LPIN1: variants seen among roughly 807,000 people sequenced by gnomAD.
LPIN1 encodes the protein phosphatidate phosphatase LPIN1.
In LPIN1, 71 loss-of-function variants were observed where a neutral mutation model predicts 107.5. That is an observed-to-expected ratio of 0.66 (90% CI 0.55 to 0.80). The LOEUF is 0.80. Ranked by LOEUF, LPIN1 falls within the 30% of genes least tolerant of loss-of-function variation. The pLI, the probability that LPIN1 is intolerant of heterozygous loss-of-function variation, is 0.00. For synonymous variants in LPIN1, 445 were observed against 452.6 expected (o/e 0.98, Z 0.21); for missense variants, 1,043 against 1,160.6 (o/e 0.90, Z 1.47).
At chr2:11,699,367 G>T (rs905324776) in intron 1 of LPIN1, among the ~76,000 whole-genome samples, 5 of 152,218 alleles carry the variant, frequency 3.3e-5, no homozygotes, top group African/African-American at 1.2e-4. Context: ...GTCATAAGTT[G>T]ATGTCAGGGT....
At chr2:11,733,004 A>G (rs1665405773) in intron 1 of LPIN1, among the ~76,000 whole-genome samples, 1 of 151,814 alleles carries the variant, frequency 6.6e-6, no homozygotes, top group South Asian at 2.1e-4. Flanking sequence ...TTGGAAGGAA[A>G]GTCATGGGGG....
At chr2:11,801,168 A>C (rs1278002686) in intron 14 of LPIN1, among the ~76,000 whole-genome samples, 1 of 152,254 alleles carries the variant, frequency 6.6e-6, no homozygotes, top group Non-Finnish European at 1.5e-5. Flanking sequence ...AATGTGAATT[A>C]GTACAGCTAT....
In LPIN1 at chr2:11,779,458, C is replaced by T. The variant is rs1673205351; in HGVS notation, c.831-61C>T. ...GGGCTATTTGAGCCATGGAGCTGGG[C>T]CCAAAACATTTACAAAAGTTTCTTT... On this transcript the variant is annotated intron_variant, in intron 6 of 20. Coordinates refer to ENST00000674199, the MANE Select transcript of LPIN1 (RefSeq NM_001349206.2). 3 of 1,582,394 alleles carry T rather than the reference C, an allele frequency of 1.9e-6. No individual in the cohort carries two copies. In the Admixed American group the frequency reaches 5.0e-5, roughly 26 times the overall value.
chr2:11,727,761 GA>G (rs1664802827), intron 1 of LPIN1, among the ~76,000 whole-genome samples: 1 of 152,180 alleles, frequency 6.6e-6, no homozygotes, highest in Non-Finnish European at 1.5e-5. Flanking sequence ...CCAACAGTGA[GA>G]AACTCTGCTT....
At chr2:11,762,942 G>C (rs540093574) in intron 1 of LPIN1, 1 of 152,398 alleles carries the variant, frequency 6.6e-6, no homozygotes, top group South Asian at 2.1e-4. Flanking sequence ...TGAAGAATGG[G>C]AGCAGTGTGG....
At chr2:11,678,965 G>C (rs1447383418) in intron 1 of LPIN1, among the ~76,000 whole-genome samples, 2 of 152,228 alleles carry the variant, frequency 1.3e-5, no homozygotes, top group Non-Finnish European at 2.9e-5. Context: ...GTTAGTCAGG[G>C]ATTATAATGG....
At position 11,677,797 on chromosome 2, in the gene LPIN1, C is replaced by T. The variant is rs536675474; in HGVS notation, c.81+69C>T. ...CTTCCTCCTTCCATCCCCAGGTGCC[C>T]GCGTACTGATGGGACCCGGGGAACA... On this transcript the variant is annotated intron_variant, in intron 1 of 21. Transcript: ENST00000449576. 1,655 of 1,334,282 alleles carry T rather than the reference C, an allele frequency of 1.2e-3. 11 individuals carry two copies. Among genetic ancestry groups the T allele is most frequent in the Non-Finnish European group, 1.4e-3 (1,388 of 964,168 alleles). The allele number at this position is 1,334,282 out of a possible 1,614,324, so 82.7% of individuals were successfully genotyped here. A position where few individuals can be genotyped will look rare whatever the true frequency, so the allele number is the denominator to read the frequency against.
intron 1 of LPIN1, among the ~76,000 whole-genome samples, chr2:11,760,129 G>A (rs1206597894): frequency 3.4e-5 from 4 of 119,174 alleles, no homozygotes; most frequent in Non-Finnish European, 5.5e-5. Context: ...ATGGGCGGCC[G>A]GGCAGAGATG....
chr2:11,751,903 G>A (rs1667854693), intron 1 of LPIN1, among the ~76,000 whole-genome samples: 1 of 152,004 alleles, frequency 6.6e-6, no homozygotes, highest in African/African-American at 2.4e-5. Context: ...CATATTATAA[G>A]TATTTTTGTA....
At chr2:11,704,639 T>G (rs1480019034) in intron 1 of LPIN1, among the ~76,000 whole-genome samples, 1 of 152,204 alleles carries the variant, frequency 6.6e-6, no homozygotes, top group East Asian at 1.9e-4. Flanking sequence ...CACAGAATGT[T>G]CTAGCAGGAA....
chr2:11,726,474 C>A (rs75024134), intron 1 of LPIN1, among the ~76,000 whole-genome samples: 5 of 152,036 alleles, frequency 3.3e-5, no homozygotes, highest in African/African-American at 7.3e-5. Flanking sequence ...CGCTCTCCCC[C>A]GCCCCCCATC....
At chr2:11,703,214 T>G (rs996378986) in intron 1 of LPIN1, among the ~76,000 whole-genome samples, 8 of 152,198 alleles carry the variant, frequency 5.3e-5, no homozygotes, top group African/African-American at 1.9e-4. Flanking sequence ...TGACCCACCA[T>G]GGAACTGGTT....
chr2:11,777,661 C>T (rs551043251), intron 6 of LPIN1: 27 of 152,254 alleles, frequency 1.8e-4, no homozygotes, highest in Middle Eastern at 3.4e-3. Context: ...CGACAGACGT[C>T]GTAAAACCCG....
At chr2:11,677,630 C>T (rs1572279324) in exon 1 of LPIN1, 3 of 1,524,754 alleles carry the variant, frequency 2.0e-6, no homozygotes, top group Non-Finnish European at 2.6e-6. Flanking sequence ...AGGCAGACAG[C>T]ACCATACAGG....
chr2:11,768,180 C>A (rs1206449883), intron 3 of LPIN1, among the ~76,000 whole-genome samples: 1 of 152,096 alleles, frequency 6.6e-6, no homozygotes, highest in Non-Finnish European at 1.5e-5. Context: ...TCTCAAATGC[C>A]CAATGTTCTT....
At chr2:11,710,962 A>G (rs1663376327) in intron 1 of LPIN1, among the ~76,000 whole-genome samples, 2 of 152,184 alleles carry the variant, frequency 1.3e-5, no homozygotes, top group Non-Finnish European at 2.9e-5. Context: ...TTGTGTTTAT[A>G]TTTAATCTCT....
rs1468571483 is a variant in LPIN1, at chr2:11,819,593, C to A, written c.2512C>A (p.Pro838Thr). 8 of 1,612,168 alleles carry A rather than the reference C, an allele frequency of 5.0e-6. No individual in the cohort carries two copies. Among genetic ancestry groups the A allele is most frequent in the Non-Finnish European group, 5.9e-6 (7 of 1,178,318 alleles). Reference sequence around the variant, plus strand: ...CTTTTATGCTGCTTTTGGAAACCGACCAGCTGTAAGTAGTAGATTGGGTAT... The same window carrying A: ...CTTTTATGCTGCTTTTGGAAACCGAACAGCTGTAAGTAGTAGATTGGGTAT... ...EPFYAAFGNR[P>T]ADVYSYKQVG... Residue 838 changes from proline to threonine, a missense_variant, in exon 19 of 21, where the codon CCA becomes ACA. Coordinates refer to ENST00000674199, the MANE Select transcript of LPIN1 (RefSeq NM_001349206.2).
chr2:11,773,739 C>A lies in LPIN1; in HGVS notation c.716C>A (p.Thr239Asn), dbSNP rs1208248602. Residue 239 changes from threonine to asparagine, a missense_variant, in exon 5 of 21, where the codon ACT (threonine) becomes AAT (asparagine). By Grantham distance (65) the Thr-to-Asn change is moderately conservative. Coordinates refer to ENST00000674199, the MANE Select transcript of LPIN1 (RefSeq NM_001349206.2). ...AATTCGGATAGAGAGTGGTCACCCA[C>A]TCCCAGGTAAGCTGTTCCCTGTTCC... ...YPNSDREWSP[T>N]PSSLVDCKRT... 1.2e-6 allele frequency: 2 copies of A among 1,614,144 alleles called. No homozygotes were observed. The highest frequency in any genetic ancestry group is 3.3e-5 in the Admixed American group (2 of 60,030).
chr2:11,775,599 G>T (rs1460104516), intron 5 of LPIN1, among the ~76,000 whole-genome samples: 5 of 152,096 alleles, frequency 3.3e-5, no homozygotes, highest in Non-Finnish European at 7.4e-5. Context: ...CACATTTTTG[G>T]ATTATGTAGT....
Sources: gnomAD v4.1 joint callset for allele counts (sites outside exome capture counted in the v4.1 genomes callset) on GRCh38, gnomAD v4.1.1 for gene constraint, MANE v1.5 for transcripts, NCBI Gene and HGNC (gene_info 2026-07-23, HGNC 2026-07-21) for gene names.